Variants in SLC1A2 observed in about 807,000 individuals in gnomAD.
SLC1A2 encodes excitatory amino acid transporter 2.
Under a neutral mutation model 48.8 loss-of-function variants are expected in SLC1A2, and 15 were observed. The ratio of observed to expected loss-of-function variants is 0.31; its 90% confidence interval spans 0.21 to 0.47. SLC1A2 has a LOEUF of 0.47. Among genes scored for constraint, SLC1A2 ranks in the 20% least tolerant of loss-of-function variants. The pLI is 0.99. For missense variants in SLC1A2, 502 were observed against 730.5 expected (o/e 0.69, Z 3.61); for synonymous variants, 279 against 272.6 (o/e 1.02, Z -0.23).
In SLC1A2 at chr11:35,419,423, C is replaced by A; in HGVS notation, c.-457G>T. 1 of 189,914 alleles carries A rather than the reference C, an allele frequency of 5.3e-6. No homozygotes were observed. The highest frequency in any genetic ancestry group is 1.1e-5 in the Non-Finnish European group (1 of 93,076). The allele number at this position is 189,914 out of a possible 1,614,324, so 11.8% of individuals were successfully genotyped here. Reference sequence around the variant, plus strand: ...GTGCGTGCGCGTGTGCGGGTGTGTGCGCGCCTGGGGAGGCGGTGGAGGCCG... The same window carrying A: ...GTGCGTGCGCGTGTGCGGGTGTGTGAGCGCCTGGGGAGGCGGTGGAGGCCG... On this transcript the variant is annotated 5_prime_UTR_variant, in exon 1 of 11. Coordinates refer to ENST00000278379, the MANE Select transcript of SLC1A2 (RefSeq NM_004171.4). This position sits in a 1 kb window ranked among gnomAD's most constrained non-coding sequence, Gnocchi z 5.4.
intron 1 of SLC1A2, among the ~76,000 whole-genome samples, chr11:35,371,386 A>T (rs1175512630): frequency 6.6e-6 from 1 of 152,018 alleles, no homozygotes; most frequent in Non-Finnish European, 1.5e-5. Context: ...CTCACTCTTC[A>T]TCTCCCTGCC....
At chr11:35,305,262 T>C (rs1457842381) in intron 5 of SLC1A2, among the ~76,000 whole-genome samples, 1 of 152,210 alleles carries the variant, frequency 6.6e-6, no homozygotes. Context: ...TCCTCAGCTC[T>C]CCACCCACTT....
chr11:35,320,247 C>G (rs981546758), intron 1 of SLC1A2, among the ~76,000 whole-genome samples: 2 of 152,176 alleles, frequency 1.3e-5, no homozygotes, highest in South Asian at 2.1e-4. Flanking sequence ...GTGACAATAA[C>G]AGGCATAACT....
intron 1 of SLC1A2, among the ~76,000 whole-genome samples, chr11:35,385,577 T>C (rs1467137576): frequency 6.6e-6 from 1 of 152,178 alleles, no homozygotes; most frequent in Non-Finnish European, 1.5e-5. Context: ...GACCTGTAAG[T>C]TATCTCAGAA....
chr11:35,406,393 G>T (rs927209811), intron 1 of SLC1A2, among the ~76,000 whole-genome samples: 6 of 152,120 alleles, frequency 3.9e-5, no homozygotes, highest in Non-Finnish European at 7.3e-5. Context: ...CAAACAAGGG[G>T]AATGAGGTAG....
intron 4 of SLC1A2, among the ~76,000 whole-genome samples, chr11:35,310,677 T>A (rs1333908565): frequency 6.6e-6 from 1 of 152,242 alleles, no homozygotes; most frequent in Non-Finnish European, 1.5e-5. Flanking sequence ...TAGCTTAGAC[T>A]GCTTGGTTTT....
chr11:35,418,658 A>C, intron 1 of SLC1A2: 1 of 461,068 alleles, frequency 2.2e-6, no homozygotes, highest in East Asian at 4.1e-5. Context: ...TTGAAATCCC[A>C]AAAGTAACCT....
chr11:35,384,732 G>A lies in SLC1A2; in HGVS notation c.17+34218C>T, dbSNP rs150037406. ...AAAGGAGTATCATCACAGAAGTTTG[G>A]CCACTTATATGCTTGTTCTATTGGA... On this transcript the variant is annotated intron_variant, in intron 1 of 10. Transcript: ENST00000278379. Among the ~76,000 whole-genome samples, 552 of 152,294 alleles carry A rather than the reference G, an allele frequency of 3.6e-3. 5 individuals carry two copies. Among genetic ancestry groups the A allele is most frequent in the African/African-American group, 0.013 (523 of 41,542 alleles).
chr11:35,261,715 G>A (rs771866895), intron 10 of SLC1A2: 4 of 398,306 alleles, frequency 1.0e-5, no homozygotes, highest in Non-Finnish European at 1.3e-5. Flanking sequence ...TTAAACCCAC[G>A]ACTGATATTC....
chr11:35,344,590 G>A (rs1852961309), intron 1 of SLC1A2, among the ~76,000 whole-genome samples: 3 of 152,286 alleles, frequency 2.0e-5, no homozygotes, highest in Admixed American at 6.5e-5. Flanking sequence ...ACAGCCCCTA[G>A]TTAAGATCCT....
intron 9 of SLC1A2, among the ~76,000 whole-genome samples, chr11:35,275,529 A>AC (rs540445709): frequency 4.6e-5 from 7 of 152,228 alleles, no homozygotes; most frequent in Middle Eastern, 3.4e-3. Flanking sequence ...AAACAGTCCC[A>AC]CCCATCCAGT....
chr11:35,419,188 C>A lies in SLC1A2; in HGVS notation c.-222G>T. 6.6e-6 allele frequency: 3 copies of A among 454,642 alleles called. No homozygotes were observed. The highest frequency in any genetic ancestry group is 7.7e-6 in the Non-Finnish European group (2 of 258,446). 28.2% of individuals were successfully genotyped at this position (454,642 alleles called of 1,614,324 possible). ...GTCCCGGCTCTCCACGGCGCGCGAC[C>A]CGCGCTCCCCTCCGCCCGCGGGGAT... is the stretch of plus-strand genomic sequence containing the variant. On this transcript the variant is annotated 5_prime_UTR_variant, in exon 1 of 11. Coordinates refer to ENST00000278379, the MANE Select transcript of SLC1A2 (RefSeq NM_004171.4). This position sits in a 1 kb window ranked among gnomAD's most constrained non-coding sequence, Gnocchi z 5.4.
chr11:35,313,242 A>G (rs1565234865), intron 3 of SLC1A2, among the ~76,000 whole-genome samples: 2 of 152,198 alleles, frequency 1.3e-5, no homozygotes, highest in Non-Finnish European at 2.9e-5. Context: ...TGAATATATT[A>G]CTGGTAACTG....
intron 5 of SLC1A2, among the ~76,000 whole-genome samples, chr11:35,302,567 G>A (rs1851387108): frequency 6.6e-6 from 1 of 152,036 alleles, no homozygotes; most frequent in Admixed American, 6.6e-5. Context: ...CTAGGTCTTG[G>A]ACCAACTCCA....
intron 1 of SLC1A2, among the ~76,000 whole-genome samples, chr11:35,369,497 C>A (rs913870416): frequency 6.6e-6 from 1 of 152,142 alleles, no homozygotes; most frequent in African/African-American, 2.4e-5. Context: ...GAAACTCATG[C>A]TGGAGGTTGG....
chr11:35,346,180 T>C (rs138436694), intron 1 of SLC1A2, among the ~76,000 whole-genome samples: 64 of 152,266 alleles, frequency 4.2e-4, no homozygotes, highest in African/African-American at 1.4e-3. Flanking sequence ...CTACATTAGG[T>C]ATTTCTCCTA....
intron 1 of SLC1A2, among the ~76,000 whole-genome samples, chr11:35,396,078 G>A (rs1336679584): frequency 7.1e-6 from 1 of 140,524 alleles, no homozygotes; most frequent in Non-Finnish European, 1.5e-5. Context: ...GTCTATCATT[G>A]TTGGACATTT....
At chr11:35,301,667 A>G (rs761497902) in intron 5 of SLC1A2, 22 bp from the exon 6 acceptor site, 1 of 1,610,032 alleles carries the variant, frequency 6.2e-7, no homozygotes, top group South Asian at 1.1e-5. Flanking sequence ...ATCACATTAC[A>G]TAGAAGGACA....
chr11:35,277,247 T>C (rs1162704655), intron 9 of SLC1A2, among the ~76,000 whole-genome samples: 1 of 152,222 alleles, frequency 6.6e-6, no homozygotes, highest in Non-Finnish European at 1.5e-5. Flanking sequence ...GTTCCAACTC[T>C]GGGCCTCTCT....
Sources: allele counts gnomAD v4.1 joint callset (sites outside exome capture counted in the v4.1 genomes callset), GRCh38; gene constraint gnomAD v4.1.1; non-coding constraint Gnocchi (gnomAD v3.1); transcripts MANE v1.5; gene names NCBI Gene and HGNC (gene_info 2026-07-23, HGNC 2026-07-21).